The following ACOT7 variants were observed in gnomAD, a reference collection of about 807,000 sequenced individuals.
ACOT7 encodes cytosolic acyl coenzyme A thioester hydrolase.
A neutral mutation model predicts 40.2 loss-of-function variants in ACOT7; 12 were observed. That is an observed-to-expected ratio of 0.30 (90% confidence interval 0.19 to 0.48). The LOEUF is 0.48. Ranked by LOEUF, ACOT7 falls within the 20% of genes least tolerant of loss-of-function variation. The pLI is 0.99. For synonymous variants in ACOT7, 228 were observed against 219.5 expected, an observed-to-expected ratio of 1.04 and a Z score of -0.34; for missense variants, 395 against 530.8, an observed-to-expected ratio of 0.74 and a Z score of 2.51.
At chr1:6,314,174 C>A (rs1449804154) in intron 6 of ACOT7, among the ~76,000 whole-genome samples, 1 of 152,128 alleles carries the variant, frequency 6.6e-6, no homozygotes, top group African/African-American at 2.4e-5. Flanking sequence ...CGTAGTAACA[C>A]CGTTTCGAGG....
intron 1 of ACOT7, among the ~76,000 whole-genome samples, chr1:6,368,909 G>T (rs1215852398): frequency 6.6e-6 from 1 of 152,202 alleles, no homozygotes; most frequent in Non-Finnish European, 1.5e-5. Context: ...GCTCCAGATG[G>T]CCCACCATTG....
rs540047529 is a variant in ACOT7 at position 6,347,660 on chromosome 1, G to A, written c.261+2089C>T. On this transcript the variant is annotated intron_variant, in intron 2 of 8. Transcript: ENST00000361521. Reference sequence around the variant, plus strand: ...TACACACCTGTAATCCCAGCTGCTCGGGAAGCTGAGGCAGGAGAATCGCTT... The same window carrying A: ...TACACACCTGTAATCCCAGCTGCTCAGGAAGCTGAGGCAGGAGAATCGCTT... Among the ~76,000 whole-genome samples the A allele has an allele frequency of 9.2e-5, 14 of 152,098 alleles. No homozygotes were observed. The East Asian group carries it at 1.2e-3, about 13-fold the overall frequency.
intron 3 of ACOT7, among the ~76,000 whole-genome samples, chr1:6,335,116 AG>A (rs1235838136): frequency 1.3e-5 from 2 of 152,076 alleles, no homozygotes; most frequent in Non-Finnish European, 2.9e-5. Flanking sequence ...GGATCACCTG[AG>A]GTCAGGAGTT....
rs567480149 is a variant in ACOT7, at chr1:6,322,438, G to T, written c.626-3860C>A. 4.6e-5 allele frequency among the ~76,000 whole-genome samples: 7 copies of T among 152,378 alleles called. No individual in the cohort carries two copies. In the South Asian group the frequency reaches 1.4e-3, roughly 32 times the overall value. Reference sequence around the variant, plus strand: ...GAGGGGAGGCGGTTTGAAATTCTGTGTGTGGAGTGTACCCGTGTGCTGGGG... The same window carrying T: ...GAGGGGAGGCGGTTTGAAATTCTGTTTGTGGAGTGTACCCGTGTGCTGGGG... On this transcript the variant is annotated intron_variant, in intron 5 of 8. Transcript: ENST00000361521.
chr1:6,287,875 T>C (rs543530297), intron 7 of ACOT7, among the ~76,000 whole-genome samples: 9 of 152,340 alleles, frequency 5.9e-5, no homozygotes, highest in Non-Finnish European at 1.0e-4. Flanking sequence ...TGAACTGACT[T>C]AGTATTTCTT....
In ACOT7 at chr1:6,306,742, T is replaced by G; in HGVS notation, c.712+11750A>C. ...AGTAGGGAACAGCTCTTCGTCCACC[T>G]TTTTCCTTCCTTGCCCCAACACTGA... On this transcript the variant is annotated intron_variant, in intron 6 of 8. Coordinates refer to ENST00000361521, the MANE Select transcript of ACOT7 (RefSeq NM_007274.4). This position sits in a 1 kb window ranked among gnomAD's most constrained non-coding sequence, Gnocchi z 4.3. 2 of 1,247,820 alleles carry G rather than the reference T, an allele frequency of 1.6e-6. No homozygotes were observed. Among genetic ancestry groups the G allele is most frequent in the Non-Finnish European group, 1.0e-6 (1 of 964,282 alleles). 77.3% of individuals were successfully genotyped at this position (1,247,820 alleles called of 1,614,324 possible).
intron 1 of ACOT7, among the ~76,000 whole-genome samples, chr1:6,373,988 T>C: frequency 6.6e-6 from 1 of 152,214 alleles, no homozygotes; most frequent in African/African-American, 2.4e-5. Flanking sequence ...TATTCCTGTA[T>C]AACTCTGTTT....
chr1:6,266,793 A>G (rs981033728), intron 8 of ACOT7, among the ~76,000 whole-genome samples: 1 of 152,254 alleles, frequency 6.6e-6, no homozygotes, highest in African/African-American at 2.4e-5. Context: ...CTTCCTGCCT[A>G]CCTTGAAGAC....
rs188817378 is a variant in ACOT7, at chr1:6,312,640, G to T, written c.712+5852C>A. Among the ~76,000 whole-genome samples, 25 of 152,226 alleles carry T rather than the reference G, an allele frequency of 1.6e-4. No individual in the cohort carries two copies. The East Asian group carries it at 4.3e-3, about 26-fold the overall frequency. ...CCGCCATCATACCCAACTAATTTTT[G>T]TATTTTTAGTAGAGACAGGGTTTTA... is the stretch of plus-strand genomic sequence containing the variant. On this transcript the variant is annotated intron_variant, in intron 6 of 8. Transcript: ENST00000361521.
chr1:6,320,311 A>C (rs1214513530), intron 5 of ACOT7, among the ~76,000 whole-genome samples: 1 of 152,202 alleles, frequency 6.6e-6, no homozygotes, highest in African/African-American at 2.4e-5. Flanking sequence ...GGCTCCTCAC[A>C]TCATTTTGAA....
intron 5 of ACOT7, among the ~76,000 whole-genome samples, chr1:6,324,338 C>T (rs1172413012): frequency 6.6e-6 from 1 of 151,982 alleles, no homozygotes; most frequent in Non-Finnish European, 1.5e-5. Flanking sequence ...TTTTATAAAA[C>T]AAAAAAGTAA....
chr1:6,334,498 G>A (rs548693335), intron 3 of ACOT7, among the ~76,000 whole-genome samples: 60 of 152,372 alleles, frequency 3.9e-4, no homozygotes, highest in African/African-American at 1.4e-3. Context: ...ACAGAGCAGC[G>A]GAGCCAGCTC....
At chr1:6,317,277 C>T (rs1640520816) in intron 6 of ACOT7, among the ~76,000 whole-genome samples, 1 of 152,184 alleles carries the variant, frequency 6.6e-6, no homozygotes, top group Non-Finnish European at 1.5e-5. Flanking sequence ...TTACTTTGGT[C>T]TTCTTCAAAA....
intron 4 of ACOT7, 145 bp downstream of exon 4, chr1:6,333,332 C>A: frequency 1.2e-6 from 1 of 850,392 alleles, no homozygotes; most frequent in Non-Finnish European, 1.9e-6. Flanking sequence ...GGGGACACTG[C>A]CTGCTGGCGG....
chr1:6,276,072 C>T (rs142428804), intron 8 of ACOT7, among the ~76,000 whole-genome samples: 4,113 of 152,198 alleles, frequency 0.027, 70 homozygotes, highest in Middle Eastern at 0.041. Flanking sequence ...TCAGGGGCCT[C>T]AGCGAGCCCC....
chr1:6,300,463 C>T (rs1215341386), intron 6 of ACOT7, among the ~76,000 whole-genome samples: 1 of 152,056 alleles, frequency 6.6e-6, no homozygotes, highest in Non-Finnish European at 1.5e-5. Flanking sequence ...TGGCCCCTCC[C>T]CTCTCCACAA....
At chr1:6,363,132 A>G (rs1475864757) in intron 1 of ACOT7, among the ~76,000 whole-genome samples, 3 of 152,246 alleles carry the variant, frequency 2.0e-5, no homozygotes, top group African/African-American at 7.2e-5. Context: ...ATAACCTAGG[A>G]AAAACCAGGC....
chr1:6,393,364 G>A lies in ACOT7; in HGVS notation c.36C>T (p.Gly12=). ...GCAGAAGGGCGCAGGTGTCTGGCAG[G>A]CCCGGCGCGGAATGAATGAGCCCGG... The part of the protein sequence containing the change: ...ARPGLIHSAP[G]LPDTCALLQP... The change falls in exon 1 of 9, where the codon GGC becomes GGT. Residue 12 remains glycine (G), a synonymous_variant. Transcript: ENST00000361521. 9.7e-6 allele frequency: 12 copies of A among 1,238,518 alleles called. No homozygotes were observed. The highest frequency in any genetic ancestry group is 3.1e-5 in the East Asian group (1 of 32,058). 76.7% of individuals were successfully genotyped at this position (1,238,518 alleles called of 1,614,324 possible). A position where few individuals can be genotyped will look rare whatever the true frequency, so the allele number is the denominator to read the frequency against.
At chr1:6,285,408 A>C (rs1234220621) in intron 7 of ACOT7, among the ~76,000 whole-genome samples, 1 of 151,806 alleles carries the variant, frequency 6.6e-6, no homozygotes, top group Admixed American at 6.6e-5. Flanking sequence ...ACACCTGTCC[A>C]CCTCCCTTCC....
Sources: allele counts gnomAD v4.1 joint callset (sites outside exome capture counted in the v4.1 genomes callset), GRCh38; gene constraint gnomAD v4.1.1; non-coding constraint Gnocchi (gnomAD v3.1); transcripts MANE v1.5; gene names NCBI Gene and HGNC (gene_info 2026-07-23, HGNC 2026-07-21).